DACH1: variants seen among roughly 807,000 people sequenced by gnomAD.
DACH1 encodes the protein dachshund homolog 1.
DACH1 carries 12 observed loss-of-function variants against 54.2 expected under a neutral mutation model. The ratio of observed to expected loss-of-function variants is 0.22; its 90% CI spans 0.14 to 0.36. The LOEUF (loss-of-function observed/expected upper bound fraction) is 0.36. Ranked by LOEUF, DACH1 falls within the 10% of genes least tolerant of loss-of-function variation. The pLI is 1.00. For synonymous variants in DACH1, 386 were observed against 366.2 expected, an observed-to-expected ratio of 1.05 and a Z score of -0.62; for missense variants, 805 against 929.8, an observed-to-expected ratio of 0.87 and a Z score of 1.75.
chr13:71,462,982 G>A (rs1251163182), intron 10 of DACH1, among the ~76,000 whole-genome samples: 1 of 151,648 alleles, frequency 6.6e-6, no homozygotes, highest in Non-Finnish European at 1.5e-5. Flanking sequence ...GAACAAAGTA[G>A]ATGTCTTTGC....
At chr13:71,508,943 T>C (rs1354303416) in intron 6 of DACH1, among the ~76,000 whole-genome samples, 3 of 152,190 alleles carry the variant, frequency 2.0e-5, no homozygotes, top group African/African-American at 4.8e-5. Context: ...AGAATAGCTT[T>C]GATTTGATGT....
In DACH1 at chr13:71,475,857, A is replaced by G; in HGVS notation, c.1871-8T>C. ...GCCTCTTTTGAACTATGGCTAAAAA[A>G]GAGTGTATGCATATTATTATTATTA... On this transcript the variant is annotated splice_region_variant and splice_polypyrimidine_tract_variant and intron_variant, in intron 8 of 10. Coordinates refer to ENST00000613252, the MANE Select transcript of DACH1 (RefSeq NM_080759.6). 1.9e-6 allele frequency: 3 copies of G among 1,592,632 alleles called. No homozygotes were observed. Among genetic ancestry groups the G allele is most frequent in the Non-Finnish European group, 2.6e-6 (3 of 1,168,746 alleles).
At chr13:71,827,412 T>C (rs1360785855) in intron 1 of DACH1, among the ~76,000 whole-genome samples, 1 of 152,130 alleles carries the variant, frequency 6.6e-6, no homozygotes, top group Non-Finnish European at 1.5e-5. Flanking sequence ...AATGCCAAGA[T>C]GGCAAAAAAC....
rs142491956 is a variant in DACH1 at position 71,689,538 on chromosome 13, T to A, written c.849-7628A>T. Among the ~76,000 whole-genome samples, 184 of 152,244 alleles carry A rather than the reference T, an allele frequency of 1.2e-3. 2 individuals carry two copies. Among genetic ancestry groups the A allele is most frequent in the African/African-American group, 4.2e-3 (176 of 41,542 alleles). On this transcript the variant is annotated intron_variant, in intron 1 of 10. Transcript: ENST00000613252. Reference sequence around the variant, plus strand: ...ACAAAAAATAAACAGAAGTTAAAATTAGCTACTCTGGTGAGGATAAATTAT... The same window carrying A: ...ACAAAAAATAAACAGAAGTTAAAATAAGCTACTCTGGTGAGGATAAATTAT...
intron 3 of DACH1, among the ~76,000 whole-genome samples, chr13:71,591,828 T>C (rs1181797481): frequency 1.3e-5 from 2 of 151,610 alleles, no homozygotes; most frequent in Admixed American, 1.3e-4. Context: ...AATACTGCCC[T>C]AGTATGACTT....
intron 6 of DACH1, among the ~76,000 whole-genome samples, chr13:71,501,662 C>A (rs1879924421): frequency 6.6e-6 from 1 of 151,902 alleles, no homozygotes; most frequent in Non-Finnish European, 1.5e-5. Context: ...TTGAAATTTT[C>A]AATAATAAAA....
At chr13:71,725,631 G>A (rs1296631371) in intron 1 of DACH1, among the ~76,000 whole-genome samples, 1 of 151,966 alleles carries the variant, frequency 6.6e-6, no homozygotes, top group Non-Finnish European at 1.5e-5. Flanking sequence ...ATTAGTAGAT[G>A]TTCTTTACAT....
intron 4 of DACH1, among the ~76,000 whole-genome samples, chr13:71,561,277 A>G (rs1017600454): frequency 2.0e-5 from 3 of 152,194 alleles, no homozygotes; most frequent in African/African-American, 4.8e-5. Flanking sequence ...GTGTTCCCCA[A>G]AAAGATCTGT....
chr13:71,536,597 G>A (rs1882822570), intron 6 of DACH1, among the ~76,000 whole-genome samples: 1 of 152,084 alleles, frequency 6.6e-6, no homozygotes, highest in African/African-American at 2.4e-5. Flanking sequence ...TGGAAATTAT[G>A]TGCCAAGTTT....
chr13:71,529,183 G>GTTTTTTTTTTTTTTTTTTTTTTT (rs10707603), intron 6 of DACH1, among the ~76,000 whole-genome samples: 2 of 80,980 alleles, frequency 2.5e-5, no homozygotes, highest in African/African-American at 8.7e-5. Context: ...TGTGATTTGG[G>GTTTTTTTTTTTTTTTTTTTTTTT]TTTTTTTTTT....
chr13:71,662,052 T>C (rs1879527269), intron 2 of DACH1, among the ~76,000 whole-genome samples: 1 of 152,074 alleles, frequency 6.6e-6, no homozygotes, highest in Admixed American at 6.6e-5. Context: ...TTTTCTATCA[T>C]GACCTCTCAA....
At chr13:71,709,962 C>T (rs944677927) in intron 1 of DACH1, among the ~76,000 whole-genome samples, 1 of 152,142 alleles carries the variant, frequency 6.6e-6, no homozygotes, top group African/African-American at 2.4e-5. Context: ...ATCCTTCCAC[C>T]TTAACCTCCC....
rs1250716270 is a variant in DACH1, at chr13:71,440,005, G to T, written c.*650C>A. Reference sequence around the variant, plus strand: ...TGAAAGCTTTTGGCTTATATTCAATGCTTCTTTTCAGATATGCAAAATGTT... The same window carrying T: ...TGAAAGCTTTTGGCTTATATTCAATTCTTCTTTTCAGATATGCAAAATGTT... On this transcript the variant is annotated 3_prime_UTR_variant, in exon 11 of 11. Coordinates refer to ENST00000613252, the MANE Select transcript of DACH1 (RefSeq NM_080759.6). 6.6e-6 allele frequency: 1 copy of T among 151,466 alleles called. No homozygotes were observed. Among genetic ancestry groups the T allele is most frequent in the Non-Finnish European group, 1.5e-5 (1 of 67,792 alleles). The allele number at this position is 151,466 out of a possible 1,614,324, so 9.4% of individuals were successfully genotyped here.
At chr13:71,671,128 A>ATTCCAAACCCT (rs1317229618) in intron 2 of DACH1, among the ~76,000 whole-genome samples, 1 of 151,970 alleles carries the variant, frequency 6.6e-6, no homozygotes, top group Non-Finnish European at 1.5e-5. Context: ...ATTCATCCTT[A>ATTCCAAACCCT]TTCCAAACCC....
chr13:71,450,014 A>G (rs1593711319), intron 10 of DACH1, among the ~76,000 whole-genome samples: 1 of 152,190 alleles, frequency 6.6e-6, no homozygotes, highest in African/African-American at 2.4e-5. Context: ...GCACATGTAT[A>G]CATATGTAAC....
intron 1 of DACH1, among the ~76,000 whole-genome samples, chr13:71,861,647 T>A (rs1434008757): frequency 6.6e-6 from 1 of 151,960 alleles, no homozygotes; most frequent in East Asian, 1.9e-4. Context: ...TGAAATGATA[T>A]AAAATGAGAC....
chr13:71,811,900 G>A (rs1197069363), intron 1 of DACH1, among the ~76,000 whole-genome samples: 1 of 152,082 alleles, frequency 6.6e-6, no homozygotes, highest in Non-Finnish European at 1.5e-5. Context: ...TTTATCTTAT[G>A]TATTTATAAG....
chr13:71,836,090 C>G (rs746628684), intron 1 of DACH1, among the ~76,000 whole-genome samples: 4 of 151,900 alleles, frequency 2.6e-5, no homozygotes, highest in African/African-American at 9.7e-5. Flanking sequence ...ATAGTCTTAC[C>G]TTATCTTGCT....
At chr13:71,524,299 T>A (rs1041096012) in intron 6 of DACH1, among the ~76,000 whole-genome samples, 13 of 152,130 alleles carry the variant, frequency 8.5e-5, no homozygotes, top group Admixed American at 4.6e-4. Context: ...CATTATCATG[T>A]CAACAATTTT....
Sources: allele counts gnomAD v4.1 joint callset (sites outside exome capture counted in the v4.1 genomes callset), GRCh38; gene constraint gnomAD v4.1.1; transcripts MANE v1.5; gene names NCBI Gene and HGNC (gene_info 2026-07-23, HGNC 2026-07-21).